ADGRV1: variants seen among roughly 807,000 people sequenced by gnomAD.
The protein encoded by ADGRV1 is adhesion G protein-coupled receptor V1, also known as G-protein coupled receptor 98.
In ADGRV1, 359 loss-of-function variants were observed where a neutral mutation model predicts 596.2. That is an observed-to-expected ratio of 0.60 (90% CI 0.55 to 0.66). ADGRV1 has a LOEUF of 0.66. ADGRV1 is among the 30% of genes least tolerant of loss of function. The probability of loss-of-function intolerance (pLI) is 0.00; values close to 1 mark genes in which losing one functional copy is unlikely to be tolerated. For missense variants in ADGRV1, 7,274 were observed against 7,575.6 expected (o/e 0.96, Z 1.48); for synonymous variants, 2,681 against 2,679.2 (o/e 1.00, Z -0.02).
rs1768765336 is a variant in ADGRV1 at position 90,652,381 on chromosome 5, C to T, written c.3452C>T (p.Ser1151Phe). 1 of 1,607,442 alleles carries T rather than the reference C, an allele frequency of 6.2e-7. No individual in the cohort carries two copies. The highest frequency in any genetic ancestry group is 8.5e-7 in the Non-Finnish European group (1 of 1,177,582). ...CACCGAGGATACTTTGGTAGTGTTT[C>T]TGTATCTTGGCAGCTCTTTCAGAAT... ...LRHRGYFGSV[S>F]VSWQLFQNDS... is the part of the protein sequence containing the mutation. Residue 1151 changes from serine to phenylalanine, a missense_variant, in exon 19 of 90, where the codon TCT becomes TTT. By Grantham distance (155) the Ser-to-Phe change is radical. Around this residue, in one of 5 missense-constraint regions of ADGRV1, gnomAD observed 1,715 missense variants for 1,708.8 expected, o/e 1.00. Transcript: ENST00000405460.
intron 1 of ADGRV1, among the ~76,000 whole-genome samples, chr5:90,611,650 G>C (rs918423306): frequency 1.3e-5 from 2 of 151,894 alleles, no homozygotes; most frequent in Non-Finnish European, 2.9e-5. Context: ...ACATATGTTT[G>C]AAATTCATTT....
At chr5:91,149,726 G>A (rs551515252) in intron 87 of ADGRV1, among the ~76,000 whole-genome samples, 13 of 150,794 alleles carry the variant, frequency 8.6e-5, no homozygotes, top group Admixed American at 3.3e-4. Context: ...CCAGCTACTC[G>A]GGAGACTGAG....
chr5:90,627,232 T>G lies in ADGRV1; in HGVS notation c.694T>G (p.Phe232Val). Reference sequence around the variant, plus strand: ...ACAGGTACCAGAAAATGATGAAATATTTTTAATTCAACTGAAAAGTGTAGA... The same window carrying G: ...ACAGGTACCAGAAAATGATGAAATAGTTTTAATTCAACTGAAAAGTGTAGA... ...DDEVPENDEIFLIQLKSVEGG... is the reference protein window; with the variant it reads ...DDEVPENDEIVLIQLKSVEGG... Residue 232 changes from phenylalanine to valine, a missense_variant, in exon 7 of 90, where the codon TTT becomes GTT. Physicochemically the swap from Phe to Val is conservative, Grantham distance 50. Transcript: ENST00000405460. 1 of 1,540,222 alleles carries G rather than the reference T, an allele frequency of 6.5e-7. No homozygotes were observed. The highest frequency in any genetic ancestry group is 8.7e-7 in the Non-Finnish European group (1 of 1,145,024).
In ADGRV1 at chr5:91,102,329, AAC is replaced by A; in HGVS notation, c.18423_18424del (p.Asn6141LysfsTer71). 6.3e-7 allele frequency: 1 copy of A among 1,597,874 alleles called. No homozygotes were observed. The highest frequency in any genetic ancestry group is 8.5e-7 in the Non-Finnish European group (1 of 1,172,046). ...FWMLVLFVIF[N>X]SLQGLYVFMV... ...GATGTTGGTTCTCTTTGTCATTTTC[AAC>A]AGTCTGCAGGTAAGCCTTACAATTT... On this transcript the variant is annotated frameshift_variant, in exon 87 of 90. Coordinates refer to ENST00000405460, the MANE Select transcript of ADGRV1 (RefSeq NM_032119.4). LOFTEE classifies it high-confidence loss of function.
chr5:91,111,712 G>A (rs879689239), intron 87 of ADGRV1, among the ~76,000 whole-genome samples: 2 of 152,132 alleles, frequency 1.3e-5, no homozygotes, highest in Non-Finnish European at 2.9e-5. Flanking sequence ...TTCATGAAGA[G>A]CGGAAAAGCA....
At chr5:90,568,824 AC>A (rs1209592340) in intron 1 of ADGRV1, among the ~76,000 whole-genome samples, 1 of 152,160 alleles carries the variant, frequency 6.6e-6, no homozygotes, top group African/African-American at 2.4e-5. Flanking sequence ...TACAATTGTT[AC>A]ATCTTTCTGA....
Position 90,866,849 on chromosome 5 carries a change from G to C in ADGRV1, c.17856+2992G>C, listed in dbSNP as rs180900824. On this transcript the variant is annotated intron_variant, in intron 83 of 89. Transcript: ENST00000405460. ...ATGTCATAGAAGCTTTGAGATAAAG[G>C]TCTCTATTTTCAGTTTATCAAAAAA... is the stretch of plus-strand genomic sequence containing the variant. 7.9e-3 allele frequency among the ~76,000 whole-genome samples: 1,196 copies of C among 152,074 alleles called. 18 individuals are homozygous for C. The highest frequency in any genetic ancestry group is 0.027 in the African/African-American group (1,140 of 41,492).
At chr5:90,851,045 G>T (rs1766432034) in intron 79 of ADGRV1, among the ~76,000 whole-genome samples, 1 of 151,266 alleles carries the variant, frequency 6.6e-6, no homozygotes, top group Admixed American at 6.6e-5. Context: ...AATTAGCATG[G>T]TATGTTTGGG....
chr5:90,870,111 T>C (rs1314851956), intron 83 of ADGRV1, among the ~76,000 whole-genome samples: 1 of 152,182 alleles, frequency 6.6e-6, no homozygotes, highest in African/African-American at 2.4e-5. Flanking sequence ...CATGGAGATT[T>C]AGATGTTATC....
Position 90,676,062 on chromosome 5 carries a change from C to T in ADGRV1, c.5314-18C>T. ...ACAGAATGATTGTAATCTAATGGAT[C>T]AGTCTTTTATATTTCAGAATGTTGC... On this transcript the variant is annotated intron_variant, in intron 24 of 89. Transcript: ENST00000405460. 1.3e-6 allele frequency: 2 copies of T among 1,572,940 alleles called. No individual in the cohort carries two copies. Among genetic ancestry groups the T allele is most frequent in the South Asian group, 1.2e-5 (1 of 85,614 alleles).
intron 85 of ADGRV1, among the ~76,000 whole-genome samples, chr5:90,995,688 G>A (rs1781356799): frequency 6.6e-6 from 1 of 152,162 alleles, no homozygotes; most frequent in Non-Finnish European, 1.5e-5. Context: ...GAAGATGAGG[G>A]AAAGTTTGTA....
chr5:90,646,458 G>T (rs1308116549), intron 16 of ADGRV1, among the ~76,000 whole-genome samples: 1 of 151,562 alleles, frequency 6.6e-6, no homozygotes, highest in Non-Finnish European at 1.5e-5. Flanking sequence ...CAAATAAACA[G>T]TCTAGTTGGT....
At chr5:91,162,544 C>T (rs116072866) in intron 89 of ADGRV1, among the ~76,000 whole-genome samples, 4,596 of 152,140 alleles carry the variant, frequency 0.03, 225 homozygotes, top group African/African-American at 0.1. Context: ...AAAACAAGGC[C>T]TCCAGAAATG....
chr5:90,977,887 T>C (rs1473910683), intron 84 of ADGRV1, among the ~76,000 whole-genome samples: 1 of 152,210 alleles, frequency 6.6e-6, no homozygotes, highest in African/African-American at 2.4e-5. Flanking sequence ...AAAAGTATAC[T>C]TCTCCCATCC....
intron 85 of ADGRV1, among the ~76,000 whole-genome samples, chr5:91,068,625 G>T (rs542647734): frequency 6.6e-6 from 1 of 152,100 alleles, no homozygotes; most frequent in South Asian, 2.1e-4. Context: ...ACTGCTGAAA[G>T]AAATAATACA....
intron 51 of ADGRV1, 47 bp from the exon 52 acceptor site, chr5:90,745,544 T>G: frequency 7.8e-7 from 1 of 1,290,296 alleles, no homozygotes; most frequent in Non-Finnish European, 1.1e-6. Flanking sequence ...TGTATATATC[T>G]TAAATTTGTT....
chr5:90,751,183 A>G (rs935835236), intron 53 of ADGRV1, among the ~76,000 whole-genome samples: 3 of 152,170 alleles, frequency 2.0e-5, no homozygotes, highest in Non-Finnish European at 2.9e-5. Context: ...AGATACATCT[A>G]TGAGGATGTG....
chr5:90,948,290 A>G (rs993585609), intron 83 of ADGRV1, among the ~76,000 whole-genome samples: 1 of 152,036 alleles, frequency 6.6e-6, no homozygotes, highest in Non-Finnish European at 1.5e-5. Context: ...GAAAGAGGAC[A>G]TGGTCAGTAA....
chr5:90,808,247 ATT>A (rs1762096075), intron 73 of ADGRV1, among the ~76,000 whole-genome samples: 1 of 152,166 alleles, frequency 6.6e-6, no homozygotes, highest in African/African-American at 2.4e-5. Context: ...GCCAAAAGCA[ATT>A]TACTTTCCTT....
Sources: gnomAD v4.1 joint callset for allele counts (sites outside exome capture counted in the v4.1 genomes callset) on GRCh38, gnomAD v4.1.1 for gene constraint, gnomAD v4.1.1 regional missense constraint, MANE v1.5 for transcripts, NCBI Gene and HGNC (gene_info 2026-07-23, HGNC 2026-07-21) for gene names.